Variants in SLC9A9 observed in about 807,000 individuals in gnomAD.
SLC9A9 encodes solute carrier family 9 member A9, also known as sodium/hydrogen exchanger 9.
SLC9A9 carries 62 observed loss-of-function variants against 77.8 expected under a neutral mutation model. The ratio of observed to expected loss-of-function variants is 0.80; its 90% CI spans 0.65 to 0.98. The LOEUF (loss-of-function observed/expected upper bound fraction) is 0.98, where lower values mean the gene tolerates loss of function less well. Among genes scored for constraint, SLC9A9 ranks in the 50% least tolerant of loss-of-function variants. The probability of loss-of-function intolerance (pLI) is 0.00; values close to 1 mark genes in which losing one functional copy is unlikely to be tolerated. For synonymous variants in SLC9A9, 320 were observed against 283.5 expected (o/e 1.13, Z -1.29); for missense variants, 775 against 774.9 (o/e 1.00, Z 0.00).
chr3:143,392,989 A>G (rs2033608935), intron 12 of SLC9A9, among the ~76,000 whole-genome samples: 1 of 152,202 alleles, frequency 6.6e-6, no homozygotes, highest in Admixed American at 6.5e-5. Context: ...CCCACACAAT[A>G]ATAATGGGAG....
At chr3:143,596,779 C>T (rs2037760266) in intron 6 of SLC9A9, among the ~76,000 whole-genome samples, 1 of 152,086 alleles carries the variant, frequency 6.6e-6, no homozygotes, top group African/African-American at 2.4e-5. Flanking sequence ...CCTCCTGCCT[C>T]ATCCTCCCAT....
At position 143,416,407 on chromosome 3, in the gene SLC9A9, T is replaced by A. The variant is rs868105776; in HGVS notation, c.1470-34293A>T. ...ATTGATGTGGCAAACCTCATGATTG[T>A]CTTATTTATAGATATTGCCACAGCC... is the stretch of plus-strand genomic sequence containing the variant. On this transcript the variant is annotated intron_variant, in intron 12 of 15. Coordinates refer to ENST00000316549, the MANE Select transcript of SLC9A9 (RefSeq NM_173653.4). Among the ~76,000 whole-genome samples the A allele has an allele frequency of 2.6e-5, 4 of 152,224 alleles. No individual in the cohort carries two copies. The Middle Eastern group carries it at 0.014, about 518-fold the overall frequency.
intron 2 of SLC9A9, among the ~76,000 whole-genome samples, chr3:143,806,241 T>C (rs575278621): frequency 3.9e-4 from 60 of 152,232 alleles, no homozygotes; most frequent in South Asian, 8.3e-4. Flanking sequence ...TTCTTACTCA[T>C]CTTTCAAGCT....
intron 11 of SLC9A9, among the ~76,000 whole-genome samples, chr3:143,477,973 C>CT (rs2035510102): frequency 6.6e-6 from 1 of 152,228 alleles, no homozygotes; most frequent in Non-Finnish European, 1.5e-5. Context: ...CACTCCCTAA[C>CT]TTTCTGTGGC....
chr3:143,439,546 G>A (rs559997672), intron 12 of SLC9A9, among the ~76,000 whole-genome samples: 2 of 152,146 alleles, frequency 1.3e-5, no homozygotes, highest in Non-Finnish European at 2.9e-5. Context: ...CTGAGCCATG[G>A]GGGCTTTGGG....
intron 6 of SLC9A9, among the ~76,000 whole-genome samples, chr3:143,595,706 T>C (rs2037740758): frequency 6.6e-6 from 1 of 152,160 alleles, no homozygotes; most frequent in African/African-American, 2.4e-5. Context: ...AAATTAGCCA[T>C]GATTGGCAGG....
At chr3:143,482,568 C>T (rs115084542) in intron 11 of SLC9A9, among the ~76,000 whole-genome samples, 1 of 152,332 alleles carries the variant, frequency 6.6e-6, no homozygotes, top group Non-Finnish European at 1.5e-5. Flanking sequence ...TAGACAAGCT[C>T]AGCAGCTCTG....
intron 12 of SLC9A9, among the ~76,000 whole-genome samples, chr3:143,414,070 G>T (rs369421869): frequency 6.6e-6 from 1 of 152,214 alleles, no homozygotes; most frequent in African/African-American, 2.4e-5. Flanking sequence ...GGAAAGGCAG[G>T]AATTCAGTCT....
At chr3:143,380,409 G>A (rs946548181) in intron 13 of SLC9A9, among the ~76,000 whole-genome samples, 1 of 151,994 alleles carries the variant, frequency 6.6e-6, no homozygotes, top group Non-Finnish European at 1.5e-5. Flanking sequence ...TTATAATTGT[G>A]TCTTTTCTTC....
At chr3:143,677,341 T>A (rs994144805) in intron 5 of SLC9A9, among the ~76,000 whole-genome samples, 1 of 152,210 alleles carries the variant, frequency 6.6e-6, no homozygotes, top group African/African-American at 2.4e-5. Flanking sequence ...ACTTTAATAG[T>A]CAACAATGCC....
At chr3:143,566,466 A>C (rs2037171043) in intron 8 of SLC9A9, among the ~76,000 whole-genome samples, 1 of 151,900 alleles carries the variant, frequency 6.6e-6, no homozygotes, top group Non-Finnish European at 1.5e-5. Flanking sequence ...AACTTCCCAC[A>C]CTTTCATTTT....
chr3:143,780,530 A>G (rs542634131), intron 4 of SLC9A9, among the ~76,000 whole-genome samples: 5 of 152,230 alleles, frequency 3.3e-5, no homozygotes, highest in African/African-American at 1.2e-4. Flanking sequence ...CCAAAAGAGG[A>G]AAAACAAACC....
At chr3:143,838,628 T>A (rs1051581186) in intron 1 of SLC9A9, among the ~76,000 whole-genome samples, 1 of 152,190 alleles carries the variant, frequency 6.6e-6, no homozygotes, top group Admixed American at 6.5e-5. Flanking sequence ...ATTTAGAACA[T>A]CTGAGTTCAG....
intron 4 of SLC9A9, among the ~76,000 whole-genome samples, chr3:143,756,076 G>A: frequency 6.6e-6 from 1 of 152,124 alleles, no homozygotes; most frequent in Non-Finnish European, 1.5e-5. Flanking sequence ...TAAAATACAG[G>A]GCCAGGTAAA....
At chr3:143,636,517 T>C (rs2038523490) in intron 6 of SLC9A9, among the ~76,000 whole-genome samples, 1 of 152,352 alleles carries the variant, frequency 6.6e-6, no homozygotes, top group East Asian at 1.9e-4. Context: ...GCAGATTTAT[T>C]ACATGTGTAT....
At chr3:143,347,649 C>T (rs1020299731) in intron 14 of SLC9A9, among the ~76,000 whole-genome samples, 2 of 152,188 alleles carry the variant, frequency 1.3e-5, no homozygotes, top group Non-Finnish European at 2.9e-5. Context: ...GAGAGAAATG[C>T]TTCTTGCCCT....
intron 11 of SLC9A9, among the ~76,000 whole-genome samples, chr3:143,490,421 C>T (rs942397114): frequency 6.6e-6 from 1 of 151,406 alleles, no homozygotes; most frequent in Non-Finnish European, 1.5e-5. Flanking sequence ...AAACCAATCA[C>T]AAAAAGACAA....
chr3:143,410,822 C>T lies in SLC9A9; in HGVS notation c.1470-28708G>A, dbSNP rs548833235. On this transcript the variant is annotated intron_variant, in intron 12 of 15. Transcript: ENST00000316549. ...GTACAATTTAGCTGTGTCCTATACA[C>T]TTTGGTATGAATGTTTTCTTTTTTC... 2.0e-5 allele frequency among the ~76,000 whole-genome samples: 3 copies of T among 152,134 alleles called. No homozygotes were observed. In the East Asian group the frequency reaches 5.8e-4, roughly 29 times the overall value.
intron 6 of SLC9A9, among the ~76,000 whole-genome samples, chr3:143,623,456 A>G (rs1201338453): frequency 6.6e-6 from 1 of 152,242 alleles, no homozygotes; most frequent in Non-Finnish European, 1.5e-5. Context: ...CAGGATTAAG[A>G]AACTCACTCA....
Sources: allele counts gnomAD v4.1 joint callset (sites outside exome capture counted in the v4.1 genomes callset), GRCh38; gene constraint gnomAD v4.1.1; transcripts MANE v1.5; gene names NCBI Gene and HGNC (gene_info 2026-07-23, HGNC 2026-07-21).